DISC1: variants seen among roughly 807,000 people sequenced by gnomAD.
DISC1 encodes DISC1 scaffold protein, also known as disrupted in schizophrenia 1 protein.
Under a neutral mutation model 84.5 loss-of-function variants are expected in DISC1, and 57 were observed. The observed-to-expected ratio is 0.67, with a 90% CI of 0.55 to 0.84. DISC1 has a LOEUF of 0.84. Among genes scored for constraint, DISC1 ranks in the 40% least tolerant of loss-of-function variants. The pLI is 0.00. For missense variants in DISC1, 1,000 were observed against 1,057.8 expected, an observed-to-expected ratio of 0.95 and a Z score of 0.76; for synonymous variants, 411 against 415.2, an observed-to-expected ratio of 0.99 and a Z score of 0.12.
chr1:231,856,236 G>A (rs116122617), intron 9 of DISC1, among the ~76,000 whole-genome samples: 348 of 152,264 alleles, frequency 2.3e-3, no homozygotes, highest in African/African-American at 8.2e-3. Flanking sequence ...GTGGCATGTG[G>A]ATGGTAAAAT....
intron 1 of DISC1, among the ~76,000 whole-genome samples, chr1:231,645,774 G>T (rs1308948140): frequency 6.6e-6 from 1 of 151,976 alleles, no homozygotes; most frequent in African/African-American, 2.4e-5. Context: ...TCGGTTTTCT[G>T]TCCTTGCGAT....
rs1558348779 is a variant in DISC1, at chr1:231,694,121, G to T, written c.363G>T (p.Gln121His). 3.0e-5 allele frequency: 49 copies of T among 1,614,186 alleles called. No individual in the cohort carries two copies. The highest frequency in any genetic ancestry group is 4.0e-5 in the Non-Finnish European group (47 of 1,180,032). Residue 121 changes from glutamine (Q) to histidine (H), a missense_variant, in exon 2 of 13, where the codon CAG becomes CAT. Physicochemically the swap from Gln to His is conservative, Grantham distance 24. This residue lies in a region of DISC1 where 292 missense variants were observed against 280.2 expected (regional missense o/e 1.04). Transcript: ENST00000439617. ...GAACCTCGGCGCACTTTGGGATTCA[G>T]CTCAGAGGTGGCACCAGATTGCCTG... is the stretch of plus-strand genomic sequence containing the variant. ...VRGTSAHFGIQLRGGTRLPDR... is the reference protein window; with the variant it reads ...VRGTSAHFGIHLRGGTRLPDR...
intron 4 of DISC1, among the ~76,000 whole-genome samples, chr1:231,762,513 T>A (rs1424587136): frequency 5.0e-5 from 1 of 19,840 alleles, no homozygotes; most frequent in African/African-American, 1.0e-4. Flanking sequence ...AGTTTTGTTT[T>A]GTTTTTTTTT....
At chr1:231,728,850 A>T (rs1048144747) in intron 3 of DISC1, among the ~76,000 whole-genome samples, 6 of 152,080 alleles carry the variant, frequency 3.9e-5, no homozygotes, top group Non-Finnish European at 7.4e-5. Flanking sequence ...ATATATATAT[A>T]TTTTTATTAT....
intron 2 of DISC1, among the ~76,000 whole-genome samples, chr1:231,695,523 T>A (rs183198370): frequency 6.6e-6 from 1 of 152,172 alleles, no homozygotes; most frequent in African/African-American, 2.4e-5. Context: ...CAGGTAGAGA[T>A]GCTCTGTGGC....
intron 1 of DISC1, among the ~76,000 whole-genome samples, chr1:231,678,976 A>T (rs943213951): frequency 7.2e-5 from 11 of 152,156 alleles, no homozygotes; most frequent in African/African-American, 2.7e-4. Context: ...GCGCCCGGCC[A>T]CGTTGCTCTG....
At chr1:231,867,512 A>G (rs538718639) in intron 9 of DISC1, among the ~76,000 whole-genome samples, 14 of 152,328 alleles carry the variant, frequency 9.2e-5, no homozygotes, top group Non-Finnish European at 1.2e-4. Flanking sequence ...TGTTCCAGCC[A>G]TGGGAGCATC....
intron 6 of DISC1, among the ~76,000 whole-genome samples, chr1:231,775,152 T>A (rs1486002017): frequency 6.6e-6 from 1 of 152,236 alleles, no homozygotes; most frequent in African/African-American, 2.4e-5. Context: ...TCATCATCTA[T>A]AAGGATTTTC....
In DISC1 at chr1:231,655,263, C is replaced by T. The variant is rs369436808; in HGVS notation, c.67+28329C>T. 5.3e-5 allele frequency among the ~76,000 whole-genome samples: 8 copies of T among 152,162 alleles called. No individual in the cohort carries two copies. In the East Asian group the frequency reaches 9.6e-4, roughly 18 times the overall value. On this transcript the variant is annotated intron_variant, in intron 1 of 12. Coordinates refer to ENST00000439617, the MANE Select transcript of DISC1 (RefSeq NM_018662.3). The stretch of plus-strand genomic sequence containing the variant: ...GTCGCCCCTCCCACACTCCCCTATT[C>T]TGAGTCTCTAAAGTCCATTATATCA...
chr1:231,723,650 A>G (rs1161062471), intron 3 of DISC1: 3 of 985,348 alleles, frequency 3.0e-6, no homozygotes, highest in African/African-American at 1.7e-5. Flanking sequence ...TGTCTCATCA[A>G]TTGGATTATG....
At chr1:231,852,472 T>G (rs1345986439) in intron 9 of DISC1, among the ~76,000 whole-genome samples, 1 of 152,236 alleles carries the variant, frequency 6.6e-6, no homozygotes, top group African/African-American at 2.4e-5. Flanking sequence ...GCAGCTTTTC[T>G]ATGCATCTTT....
intron 3 of DISC1, among the ~76,000 whole-genome samples, chr1:231,709,745 T>C (rs1342128443): frequency 6.6e-6 from 1 of 152,214 alleles, no homozygotes; most frequent in African/African-American, 2.4e-5. Context: ...CATGATTTCC[T>C]ACTAGCTGAG....
intron 11 of DISC1, among the ~76,000 whole-genome samples, chr1:232,022,311 CT>C (rs764839678): frequency 0.071 from 9,658 of 135,816 alleles, 408 homozygotes; most frequent in East Asian, 0.16. Context: ...ACCCATGGTT[CT>C]TTTTTTTTTT....
intron 9 of DISC1, among the ~76,000 whole-genome samples, chr1:231,827,586 GATC>G (rs1480738093): frequency 2.0e-5 from 3 of 152,210 alleles, no homozygotes; most frequent in Admixed American, 6.5e-5. Context: ...TTACTGGAGA[GATC>G]ATCACTTGTT....
At chr1:231,919,849 C>G (rs916884942) in intron 9 of DISC1, among the ~76,000 whole-genome samples, 5 of 152,122 alleles carry the variant, frequency 3.3e-5, no homozygotes, top group African/African-American at 1.2e-4. Flanking sequence ...CAAATCAGAT[C>G]TGTATACTTG....
At chr1:231,999,245 G>A (rs1279081632) in intron 10 of DISC1, among the ~76,000 whole-genome samples, 1 of 152,148 alleles carries the variant, frequency 6.6e-6, no homozygotes, top group Non-Finnish European at 1.5e-5. Flanking sequence ...AATAATGCAA[G>A]AGCTAATCAA....
At chr1:231,787,693 A>G (rs540072107) in intron 6 of DISC1, among the ~76,000 whole-genome samples, 2 of 152,350 alleles carry the variant, frequency 1.3e-5, no homozygotes, top group South Asian at 2.1e-4. Context: ...GATGAGCAAG[A>G]TGCTCTAAGC....
At chr1:231,967,544 AAT>A (rs1158952521) in intron 10 of DISC1, among the ~76,000 whole-genome samples, 5 of 152,194 alleles carry the variant, frequency 3.3e-5, no homozygotes, top group Admixed American at 3.3e-4. Flanking sequence ...GTGTTGAAAA[AAT>A]ATTCATTTAC....
At chr1:231,966,292 C>T (rs1661112297) in intron 10 of DISC1, among the ~76,000 whole-genome samples, 1 of 152,234 alleles carries the variant, frequency 6.6e-6, no homozygotes, top group African/African-American at 2.4e-5. Context: ...GACCCACTTA[C>T]TCTCACTCCT....
Sources: gnomAD v4.1 joint callset for allele counts (sites outside exome capture counted in the v4.1 genomes callset) on GRCh38, gnomAD v4.1.1 for gene constraint, gnomAD v4.1.1 regional missense constraint, MANE v1.5 for transcripts, NCBI Gene and HGNC (gene_info 2026-07-23, HGNC 2026-07-21) for gene names.